Variants in FTO observed in about 807,000 individuals in gnomAD.
The protein encoded by FTO is alpha-ketoglutarate-dependent dioxygenase FTO.
FTO carries 47 observed loss-of-function variants against 63.9 expected under a neutral mutation model. That is an observed-to-expected ratio of 0.74 (90% confidence interval 0.58 to 0.94). FTO has a LOEUF of 0.94. Among genes scored for constraint, FTO ranks in the 40% least tolerant of loss-of-function variants. The probability of loss-of-function intolerance (pLI) is 0.00; values close to 1 mark genes in which losing one functional copy is unlikely to be tolerated. For synonymous variants in FTO, 207 were observed against 224.4 expected (o/e 0.92, Z 0.69); for missense variants, 562 against 618.1 (o/e 0.91, Z 0.96).
At chr16:53,760,673 C>T (rs1189711811) in intron 1 of FTO, among the ~76,000 whole-genome samples, 1 of 138,230 alleles carries the variant, frequency 7.2e-6, no homozygotes, top group African/African-American at 2.6e-5. Flanking sequence ...GTTGCCCAGA[C>T]TGGAGTGTAG....
At chr16:53,757,340 G>A (rs2076947907) in intron 1 of FTO, among the ~76,000 whole-genome samples, 1 of 151,924 alleles carries the variant, frequency 6.6e-6, no homozygotes, top group Non-Finnish European at 1.5e-5. Flanking sequence ...ACATATTTAT[G>A]GCTGATCATT....
chr16:53,783,742 C>T (rs1042938194), intron 1 of FTO, among the ~76,000 whole-genome samples: 4 of 150,388 alleles, frequency 2.7e-5, no homozygotes, highest in African/African-American at 4.9e-5. Context: ...GAGCTGAGAT[C>T]GCGCCACTGC....
chr16:54,039,772 T>G (rs1436012270), intron 8 of FTO: 2 of 152,236 alleles, frequency 1.3e-5, no homozygotes, highest in Non-Finnish European at 2.9e-5. Context: ...CAGGGAAGGT[T>G]TATCCTGATT....
chr16:54,064,734 A>G (rs192464369), intron 8 of FTO, among the ~76,000 whole-genome samples: 90 of 152,282 alleles, frequency 5.9e-4, no homozygotes, highest in African/African-American at 2.1e-3. Context: ...TGGTAATGGG[A>G]TGTAAATCTC....
intron 1 of FTO, among the ~76,000 whole-genome samples, chr16:53,794,967 C>G (rs1598678683): frequency 6.6e-6 from 1 of 151,836 alleles, no homozygotes; most frequent in African/African-American, 2.4e-5. Flanking sequence ...AAAATTTATC[C>G]CAGATGAGAT....
chr16:54,009,282 G>A (rs1385486150), intron 8 of FTO, among the ~76,000 whole-genome samples: 2 of 151,912 alleles, frequency 1.3e-5, no homozygotes, highest in African/African-American at 2.4e-5. Flanking sequence ...AGATGAATTT[G>A]GATAAAGGGT....
At position 53,876,849 on chromosome 16, in the gene FTO, C is replaced by T. The variant is rs533660239; in HGVS notation, c.975+2984C>T. Among the ~76,000 whole-genome samples the T allele has an allele frequency of 7.2e-5, 11 of 152,308 alleles. No individual in the cohort carries two copies. In the South Asian group the frequency reaches 2.3e-3, roughly 32 times the overall value. On this transcript the variant is annotated intron_variant, in intron 5 of 8. Coordinates refer to ENST00000471389, the MANE Select transcript of FTO (RefSeq NM_001080432.3). ...GGCTGAGGCAGGAGAATCGCTTAAA[C>T]CTGGGAGGTGGAGGTTGCAGTGAGG...
At chr16:53,751,513 T>G (rs2076793820) in intron 1 of FTO, among the ~76,000 whole-genome samples, 1 of 152,280 alleles carries the variant, frequency 6.6e-6, no homozygotes, top group Non-Finnish European at 1.5e-5. Context: ...CATGGACTAA[T>G]GTTGAAAACA....
chr16:53,955,264 C>T (rs1187141198), intron 8 of FTO, among the ~76,000 whole-genome samples: 2 of 152,058 alleles, frequency 1.3e-5, no homozygotes, highest in African/African-American at 4.8e-5. Flanking sequence ...ACTGGGTATA[C>T]AAGAGTGAAC....
intron 8 of FTO, among the ~76,000 whole-genome samples, chr16:54,104,968 A>T (rs10163409): frequency 0.22 from 33,791 of 152,270 alleles, 4,864 homozygotes; most frequent in Middle Eastern, 0.38. Flanking sequence ...ATACTGAGGC[A>T]TAATTATACA....
At chr16:53,850,510 A>G (rs1249228453) in intron 4 of FTO, among the ~76,000 whole-genome samples, 1 of 152,032 alleles carries the variant, frequency 6.6e-6, no homozygotes, top group South Asian at 2.1e-4. Context: ...TACTCTAAGG[A>G]TAGGGATCTG....
At chr16:53,837,518 T>C (rs1353077070) in intron 3 of FTO, among the ~76,000 whole-genome samples, 1 of 152,206 alleles carries the variant, frequency 6.6e-6, no homozygotes, top group African/African-American at 2.4e-5. Context: ...TGTTTTTTTT[T>C]CTCACCCCTT....
chr16:53,812,776 A>G (rs2078569713), intron 2 of FTO, among the ~76,000 whole-genome samples: 1 of 152,190 alleles, frequency 6.6e-6, no homozygotes, highest in Non-Finnish European at 1.5e-5. Context: ...CATACTGCAT[A>G]GTGATAGGGT....
At chr16:53,996,667 G>A (rs1174572527) in intron 8 of FTO, among the ~76,000 whole-genome samples, 2 of 152,144 alleles carry the variant, frequency 1.3e-5, no homozygotes, top group African/African-American at 4.8e-5. Flanking sequence ...ATAAAGGAAA[G>A]AGGTTTAATT....
chr16:53,991,602 G>T (rs1203533122), intron 8 of FTO: 1 of 152,194 alleles, frequency 6.6e-6, no homozygotes, highest in Admixed American at 6.5e-5. Flanking sequence ...CTGCATCCAA[G>T]TACATTTAAC....
chr16:53,781,378 C>T lies in FTO; in HGVS notation c.46-28762C>T, dbSNP rs564977466. ...GCCTTTTTATGTAAATGTAACATGA[C>T]TCATGAAATGTAAACAGCCATTTGT... On this transcript the variant is annotated intron_variant, in intron 1 of 8. Coordinates refer to ENST00000471389, the MANE Select transcript of FTO (RefSeq NM_001080432.3). 6.6e-5 allele frequency among the ~76,000 whole-genome samples: 10 copies of T among 152,328 alleles called. No homozygotes were observed. The East Asian group carries it at 9.6e-4, about 15-fold the overall frequency.
intron 7 of FTO, among the ~76,000 whole-genome samples, chr16:53,917,271 G>C (rs1056854006): frequency 2.0e-5 from 3 of 152,204 alleles, no homozygotes; most frequent in Non-Finnish European, 2.9e-5. Flanking sequence ...CTCACAGAAA[G>C]TTCCTTATAG....
At chr16:53,707,175 T>A (rs1041476882) in intron 1 of FTO, among the ~76,000 whole-genome samples, 2 of 152,228 alleles carry the variant, frequency 1.3e-5, no homozygotes, top group African/African-American at 4.8e-5. Flanking sequence ...AAGGCATCAA[T>A]AGGGCCATAC....
chr16:53,881,601 C>T (rs761099614), intron 6 of FTO, among the ~76,000 whole-genome samples: 8 of 152,238 alleles, frequency 5.3e-5, no homozygotes, highest in Non-Finnish European at 1.2e-4. Context: ...TTGCTTTTCA[C>T]TGATGAAATC....
Sources: allele counts gnomAD v4.1 joint callset (sites outside exome capture counted in the v4.1 genomes callset), GRCh38; gene constraint gnomAD v4.1.1; transcripts MANE v1.5; gene names NCBI Gene and HGNC (gene_info 2026-07-23, HGNC 2026-07-21).